VAV3: variants seen among roughly 807,000 people sequenced by gnomAD.
The protein encoded by VAV3 is vav guanine nucleotide exchange factor 3, also known as guanine nucleotide exchange factor VAV3.
Under a neutral mutation model 131.2 loss-of-function variants are expected in VAV3, and 94 were observed. The ratio of observed to expected loss-of-function variants is 0.72; its 90% confidence interval spans 0.61 to 0.85. VAV3 has a LOEUF of 0.85. Ranked by LOEUF, VAV3 falls within the 40% of genes least tolerant of loss-of-function variation. VAV3 has a pLI of 0.00. For synonymous variants in VAV3, 349 were observed against 342.0 expected (o/e 1.02, Z -0.22); for missense variants, 939 against 1,002.7 (o/e 0.94, Z 0.86).
At chr1:107,729,146 G>A (rs1399167238) in intron 15 of VAV3, among the ~76,000 whole-genome samples, 2 of 152,090 alleles carry the variant, frequency 1.3e-5, no homozygotes, top group Non-Finnish European at 2.9e-5. Flanking sequence ...ACACTATTTC[G>A]AAGCTATCTA....
rs1675369936 is a variant in VAV3, at chr1:107,965,092, G to A, written c.-223C>T. 10 of 156,736 alleles carry A rather than the reference G, an allele frequency of 6.4e-5. 1 individual carries two copies. In the South Asian group the frequency reaches 2.0e-3, roughly 31 times the overall value. 9.7% of individuals were successfully genotyped at this position (156,736 alleles called of 1,614,324 possible). On this transcript the variant is annotated 5_prime_UTR_variant, in exon 1 of 27. Coordinates refer to ENST00000370056, the MANE Select transcript of VAV3 (RefSeq NM_006113.5). The stretch of plus-strand genomic sequence containing the variant: ...GCGCCGCGACCCGGCCGCCGCTGCA[G>A]CGAGTCCCGCGCGCTCTCCGTGCGC...
chr1:107,865,424 G>A (rs1669939791), intron 2 of VAV3, among the ~76,000 whole-genome samples: 1 of 152,106 alleles, frequency 6.6e-6, no homozygotes, highest in Non-Finnish European at 1.5e-5. Flanking sequence ...ATGTGATCTT[G>A]AATTGAGTCA....
At chr1:107,729,449 G>T (rs1230483383) in intron 15 of VAV3, among the ~76,000 whole-genome samples, 3 of 152,064 alleles carry the variant, frequency 2.0e-5, no homozygotes, top group Non-Finnish European at 4.4e-5. Flanking sequence ...TTAGGAGATA[G>T]AAAACCTGAG....
intron 1 of VAV3, among the ~76,000 whole-genome samples, chr1:107,909,512 A>C (rs1025177858): frequency 2.0e-5 from 3 of 152,192 alleles, no homozygotes; most frequent in Non-Finnish European, 4.4e-5. Flanking sequence ...AAGTTTAAAA[A>C]CCTGCTGAAC....
At chr1:107,850,578 G>T (rs901496174) in intron 2 of VAV3, among the ~76,000 whole-genome samples, 4 of 151,906 alleles carry the variant, frequency 2.6e-5, no homozygotes, top group Admixed American at 6.6e-5. Context: ...TCGAGGGGTG[G>T]GGGGCAAGGG....
intron 22 of VAV3, among the ~76,000 whole-genome samples, chr1:107,607,401 G>A (rs188469552): frequency 4.1e-4 from 62 of 152,144 alleles, no homozygotes; most frequent in African/African-American, 1.4e-3. Context: ...GTGTATATGG[G>A]ACCCAGCTGT....
intron 1 of VAV3, among the ~76,000 whole-genome samples, chr1:107,884,412 T>TTATTATTATTATTATTATTAA (rs1301428465): frequency 5.4e-4 from 44 of 81,076 alleles, no homozygotes; most frequent in African/African-American, 1.9e-3. Flanking sequence ...TTATTTATTA[T>TTATTATTATTATTATTATTAA]TATTATTATT....
rs1403591343 is a variant in VAV3, at chr1:107,766,335, C to T, written c.821+112G>A. On this transcript the variant is annotated intron_variant, in intron 8 of 26. Coordinates refer to ENST00000370056, the MANE Select transcript of VAV3 (RefSeq NM_006113.5). ...TAATTGTCCCACGTTCTAATTACTG[C>T]TCAGGTAGTAATGTAATAAACAGCA... 4.0e-5 allele frequency: 27 copies of T among 672,452 alleles called. 1 individual carries two copies. In the South Asian group the frequency reaches 5.4e-4, roughly 13 times the overall value. The allele number at this position is 672,452 out of a possible 1,614,324, so 41.7% of individuals were successfully genotyped here.
chr1:107,580,038 G>C (rs1011609239), intron 25 of VAV3, among the ~76,000 whole-genome samples: 1 of 152,126 alleles, frequency 6.6e-6, no homozygotes, highest in Non-Finnish European at 1.5e-5. Context: ...TAGCCCTCTG[G>C]TAGGCATTGC....
At chr1:107,904,014 T>C (rs1671991578) in intron 1 of VAV3, among the ~76,000 whole-genome samples, 1 of 152,150 alleles carries the variant, frequency 6.6e-6, no homozygotes, top group Non-Finnish European at 1.5e-5. Context: ...TGTCCTTGGC[T>C]TCTTCCTGGC....
intron 2 of VAV3, among the ~76,000 whole-genome samples, chr1:107,785,240 G>A (rs370445201): frequency 1.4e-4 from 22 of 152,244 alleles, no homozygotes; most frequent in East Asian, 3.9e-4. Context: ...CTACCTTTAA[G>A]GTCCTGAGTT....
chr1:107,620,612 G>A (rs183268483), intron 20 of VAV3, among the ~76,000 whole-genome samples: 2 of 150,596 alleles, frequency 1.3e-5, no homozygotes, highest in East Asian at 3.9e-4. Flanking sequence ...CTTTTTTTTT[G>A]TTCACACAGA....
intron 2 of VAV3, among the ~76,000 whole-genome samples, chr1:107,810,203 C>G (rs1335836415): frequency 6.6e-6 from 1 of 152,064 alleles, no homozygotes; most frequent in African/African-American, 2.4e-5. Flanking sequence ...CCTTTGGGGG[C>G]TGGGAAGATT....
chr1:107,937,614 T>G (rs1196019319), intron 1 of VAV3, among the ~76,000 whole-genome samples: 1 of 152,232 alleles, frequency 6.6e-6, no homozygotes, highest in Non-Finnish European at 1.5e-5. Flanking sequence ...CTCACTATCA[T>G]GTTGACACAA....
intron 1 of VAV3, among the ~76,000 whole-genome samples, chr1:107,934,363 A>C (rs1023290893): frequency 6.6e-6 from 1 of 152,096 alleles, no homozygotes; most frequent in Non-Finnish European, 1.5e-5. Context: ...CTGGACCAAA[A>C]CCCTTAGAAC....
chr1:107,673,711 G>C (rs759699096), intron 19 of VAV3: 1 of 152,096 alleles, frequency 6.6e-6, no homozygotes, highest in East Asian at 1.9e-4. Flanking sequence ...CAACAAATTC[G>C]CTCAATGAAA....
intron 25 of VAV3, among the ~76,000 whole-genome samples, chr1:107,584,821 C>T (rs1398052213): frequency 6.6e-6 from 1 of 152,126 alleles, no homozygotes; most frequent in Non-Finnish European, 1.5e-5. Flanking sequence ...TTTCTTATTG[C>T]TATGGAAAAC....
At chr1:107,793,966 G>A (rs1034915448) in intron 2 of VAV3, among the ~76,000 whole-genome samples, 1 of 152,254 alleles carries the variant, frequency 6.6e-6, no homozygotes, top group Non-Finnish European at 1.5e-5. Context: ...CAGAGACGCA[G>A]ATCTAGCTTG....
At chr1:107,903,234 G>A (rs1671954489) in intron 1 of VAV3, among the ~76,000 whole-genome samples, 1 of 152,144 alleles carries the variant, frequency 6.6e-6, no homozygotes, top group African/African-American at 2.4e-5. Flanking sequence ...AAGAAAACCA[G>A]CACCTCCAAA....
Sources: gnomAD v4.1 joint callset for allele counts (sites outside exome capture counted in the v4.1 genomes callset) on GRCh38, gnomAD v4.1.1 for gene constraint, MANE v1.5 for transcripts, NCBI Gene and HGNC (gene_info 2026-07-23, HGNC 2026-07-21) for gene names.